The following PDE4D variants were observed in gnomAD, a reference collection of about 807,000 sequenced individuals.
The protein encoded by PDE4D is phosphodiesterase 4D, also known as 3',5'-cyclic-AMP phosphodiesterase 4D.
In PDE4D, 24 loss-of-function variants were observed where a neutral mutation model predicts 87.4. That is an observed-to-expected ratio of 0.27 (90% CI 0.20 to 0.39). PDE4D has a LOEUF of 0.39. Among genes scored for constraint, PDE4D ranks in the 10% least tolerant of loss-of-function variants. The probability of loss-of-function intolerance (pLI) is 1.00; values close to 1 mark genes in which losing one functional copy is unlikely to be tolerated. For missense variants in PDE4D, 714 were observed against 1,041.0 expected (o/e 0.69, Z 4.32); for synonymous variants, 384 against 383.2 (o/e 1.00, Z -0.02).
intron 1 of PDE4D, among the ~76,000 whole-genome samples, chr5:60,186,387 T>A (rs1784784983): frequency 6.6e-6 from 1 of 152,206 alleles, no homozygotes; most frequent in African/African-American, 2.4e-5. Flanking sequence ...CTTTGCTTTC[T>A]CCTAGACACT....
At chr5:59,860,566 T>C (rs1365318317) in intron 1 of PDE4D, among the ~76,000 whole-genome samples, 3 of 152,214 alleles carry the variant, frequency 2.0e-5, no homozygotes. Context: ...TTTTAAAATA[T>C]ATACTTGCAA....
chr5:60,114,943 T>TGGAC (rs1288568353), intron 2 of PDE4D, among the ~76,000 whole-genome samples: 12 of 92,438 alleles, frequency 1.3e-4, no homozygotes, highest in African/African-American at 4.7e-4. Context: ...GATAGATACA[T>TGGAC]GGATGGATGG....
At chr5:59,374,254 C>G (rs766529312) in intron 1 of PDE4D, among the ~76,000 whole-genome samples, 2 of 152,140 alleles carry the variant, frequency 1.3e-5, no homozygotes, top group African/African-American at 4.8e-5. Flanking sequence ...AGAATCGAGA[C>G]TCACTGGTAT....
intron 1 of PDE4D, chr5:60,430,134 C>T (rs547161522): frequency 4.2e-5 from 22 of 524,948 alleles, no homozygotes; most frequent in South Asian, 2.3e-4. Flanking sequence ...GTTTCCGGAG[C>T]TCTTTGAGTG....
intron 2 of PDE4D, among the ~76,000 whole-genome samples, chr5:59,997,618 G>C (rs972690849): frequency 6.6e-6 from 1 of 152,172 alleles, no homozygotes; most frequent in Non-Finnish European, 1.5e-5. Context: ...TCCACATGCA[G>C]AGAGCCAGAA....
intron 1 of PDE4D, among the ~76,000 whole-genome samples, chr5:59,689,282 G>C (rs1750480631): frequency 6.6e-6 from 1 of 152,070 alleles, no homozygotes; most frequent in South Asian, 2.1e-4. Flanking sequence ...GAGAATTTTA[G>C]ACCAATATCC....
intron 1 of PDE4D, among the ~76,000 whole-genome samples, chr5:59,852,960 C>T (rs910016217): frequency 1.3e-5 from 2 of 152,026 alleles, no homozygotes; most frequent in Admixed American, 6.6e-5. Flanking sequence ...AGACAAAAGA[C>T]TTTGACAACT....
chr5:59,477,373 A>AAAAATAT (rs1554190139), intron 1 of PDE4D, among the ~76,000 whole-genome samples: 4 of 143,054 alleles, frequency 2.8e-5, no homozygotes, highest in Non-Finnish European at 4.5e-5. Context: ...AAAAAAAAAA[A>AAAAATAT]ATTAAAGAAT....
chr5:60,301,134 A>G (rs1010303771), intron 1 of PDE4D, among the ~76,000 whole-genome samples: 1 of 152,134 alleles, frequency 6.6e-6, no homozygotes, highest in Admixed American at 6.5e-5. Flanking sequence ...GTATATTTTG[A>G]AGTCAGGTAG....
At chr5:60,460,887 T>G in intron 1 of PDE4D, 1 of 334,092 alleles carries the variant, frequency 3.0e-6, no homozygotes, top group Non-Finnish European at 5.4e-6. Context: ...ATTCCATTCT[T>G]AATTAATAGC....
intron 1 of PDE4D, among the ~76,000 whole-genome samples, chr5:59,839,684 CTGGCATCACATCCACCT>C (rs1236192960): frequency 6.6e-6 from 1 of 152,014 alleles, no homozygotes; most frequent in African/African-American, 2.4e-5. Flanking sequence ...CTAATAGCTC[CTGGCATCACATCCACCT>C]ACTCTCTCTC....
intron 1 of PDE4D, chr5:60,459,808 A>T (rs1315353693): frequency 1.9e-6 from 1 of 522,906 alleles, no homozygotes; most frequent in East Asian, 3.4e-5. Flanking sequence ...GGACTGGAGA[A>T]AAATTTTTAA....
At chr5:60,344,103 A>G (rs1282997025) in intron 1 of PDE4D, among the ~76,000 whole-genome samples, 1 of 152,096 alleles carries the variant, frequency 6.6e-6, no homozygotes, top group Non-Finnish European at 1.5e-5. Flanking sequence ...CTTGGCCACT[A>G]CATTATATTG....
intron 3 of PDE4D, among the ~76,000 whole-genome samples, chr5:59,899,969 A>G (rs989030450): frequency 4.6e-5 from 7 of 152,142 alleles, no homozygotes; most frequent in Non-Finnish European, 1.0e-4. Context: ...GGCTGGGTGC[A>G]GTGGCTCATG....
At chr5:59,340,922 G>A (rs563678622) in intron 1 of PDE4D, among the ~76,000 whole-genome samples, 7 of 152,006 alleles carry the variant, frequency 4.6e-5, no homozygotes, top group Admixed American at 1.3e-4. Context: ...TTCTTTATCC[G>A]TTAATTGGCT....
intron 2 of PDE4D, among the ~76,000 whole-genome samples, chr5:60,176,330 G>A (rs996931312): frequency 1.3e-4 from 20 of 152,148 alleles, no homozygotes; most frequent in Admixed American, 3.9e-4. Flanking sequence ...GTTGCCCTAC[G>A]ACCTAAATTT....
intron 1 of PDE4D, among the ~76,000 whole-genome samples, chr5:60,520,652 T>C (rs1750996461): frequency 6.6e-6 from 1 of 152,212 alleles, no homozygotes; most frequent in African/African-American, 2.4e-5. Context: ...ACTTCTGCTT[T>C]GGCACTGAGG....
At chr5:59,385,704 T>C (rs181682408) in intron 1 of PDE4D, among the ~76,000 whole-genome samples, 5 of 152,288 alleles carry the variant, frequency 3.3e-5, no homozygotes, top group Admixed American at 2.6e-4. Context: ...AAGGAGATAG[T>C]ATAGAGTCCT....
At chr5:59,424,820 A>G (rs1440626929) in intron 1 of PDE4D, among the ~76,000 whole-genome samples, 2 of 152,214 alleles carry the variant, frequency 1.3e-5, no homozygotes, top group Non-Finnish European at 2.9e-5. Context: ...ACACACAAGT[A>G]GTCACACATT....
Sources: allele counts gnomAD v4.1 joint callset (sites outside exome capture counted in the v4.1 genomes callset), GRCh38; gene constraint gnomAD v4.1.1; transcripts MANE v1.5; gene names NCBI Gene and HGNC (gene_info 2026-07-23, HGNC 2026-07-21).